The following PRR16 variants were observed in gnomAD, a reference collection of about 807,000 sequenced individuals.
The protein encoded by PRR16 is protein Largen.
In PRR16, 6 loss-of-function variants were observed where a neutral mutation model predicts 18.2. That is an observed-to-expected ratio of 0.33 (90% CI 0.18 to 0.65). PRR16 has a LOEUF of 0.65. PRR16 is among the 30% of genes least tolerant of loss of function. The probability of loss-of-function intolerance (pLI) is 0.74; values close to 1 mark genes in which losing one functional copy is unlikely to be tolerated. For synonymous variants in PRR16, 151 were observed against 147.8 expected, an observed-to-expected ratio of 1.02 and a Z score of -0.16; for missense variants, 412 against 376.6, an observed-to-expected ratio of 1.09 and a Z score of -0.78.
chr5:120,766,368 AAC>A, the PRR16 span, among the ~76,000 whole-genome samples: 1 of 151,994 alleles, frequency 6.6e-6, no homozygotes, highest in Non-Finnish European at 1.5e-5. Flanking sequence ...GCATTAAGAA[AAC>A]ACATCTATTG....
chr5:120,534,805 T>G (rs951569753), intron 1 of PRR16, among the ~76,000 whole-genome samples: 5 of 152,124 alleles, frequency 3.3e-5, no homozygotes, highest in African/African-American at 1.2e-4. Context: ...CTGGCCAAGT[T>G]AGAGAGGAGA....
chr5:120,620,080 A>G (rs1288265379), intron 1 of PRR16, among the ~76,000 whole-genome samples: 1 of 152,162 alleles, frequency 6.6e-6, no homozygotes, highest in Non-Finnish European at 1.5e-5. Context: ...TGTTAACTGA[A>G]TTTGTAAAGA....
intron 1 of PRR16, among the ~76,000 whole-genome samples, chr5:120,533,299 G>A (rs1751611185): frequency 6.6e-6 from 1 of 152,116 alleles, no homozygotes; most frequent in East Asian, 1.9e-4. Context: ...ATTGTTGTAG[G>A]GACTTGGAGA....
At chr5:120,697,650 C>G in the PRR16 span, among the ~76,000 whole-genome samples, 3 of 151,596 alleles carry the variant, frequency 2.0e-5, no homozygotes, top group South Asian at 2.1e-4. Flanking sequence ...AGAGAGTCAG[C>G]GAAGGGAGAT....
At chr5:120,572,886 T>A (rs1752951751) in intron 1 of PRR16, among the ~76,000 whole-genome samples, 1 of 152,164 alleles carries the variant, frequency 6.6e-6, no homozygotes, top group African/African-American at 2.4e-5. Flanking sequence ...AAATTGAATG[T>A]CATTTTGGAA....
chr5:120,755,152 G>A, the PRR16 span, among the ~76,000 whole-genome samples: 1 of 151,488 alleles, frequency 6.6e-6, no homozygotes, highest in African/African-American at 2.4e-5. Flanking sequence ...TAACAAACCT[G>A]CACGTTGTGC....
At chr5:120,656,755 GATAT>G (rs1755993642) in intron 1 of PRR16, among the ~76,000 whole-genome samples, 1 of 151,896 alleles carries the variant, frequency 6.6e-6, no homozygotes, top group Non-Finnish European at 1.5e-5. Flanking sequence ...ATACATAAGT[GATAT>G]ATTTGTGCTT....
intron 1 of PRR16, among the ~76,000 whole-genome samples, chr5:120,484,941 G>A (rs947453997): frequency 4.6e-5 from 7 of 151,098 alleles, no homozygotes; most frequent in South Asian, 2.1e-4. Flanking sequence ...ATAATTCTGC[G>A]ATTTAAAACA....
At position 120,505,869 on chromosome 5, in the gene PRR16, C is replaced by T. The variant is rs576538339; in HGVS notation, c.159+41224C>T. Among the ~76,000 whole-genome samples, 18 of 150,794 alleles carry T rather than the reference C, an allele frequency of 1.2e-4. No homozygotes were observed. In the East Asian group the frequency reaches 1.4e-3, roughly 11 times the overall value. ...ATATATGTATGTATATACACACACG[C>T]GTATACATATGTGTATGAGTAATAT... is the stretch of plus-strand genomic sequence containing the variant. On this transcript the variant is annotated intron_variant, in intron 1 of 1. Transcript: ENST00000407149.
the PRR16 span, among the ~76,000 whole-genome samples, chr5:120,703,177 G>A: frequency 4.6e-5 from 7 of 152,134 alleles, no homozygotes; most frequent in African/African-American, 1.7e-4. Flanking sequence ...AAGGTGCTCA[G>A]TGGGGGTGCC....
intron 1 of PRR16, among the ~76,000 whole-genome samples, chr5:120,533,031 C>G (rs144016357): frequency 1.1e-3 from 167 of 152,286 alleles, no homozygotes; most frequent in African/African-American, 3.8e-3. Context: ...TTTTGCATCC[C>G]CCCTTCATCT....
chr5:120,692,185 G>A (rs1331097668), downstream of PRR16, among the ~76,000 whole-genome samples: 1 of 152,200 alleles, frequency 6.6e-6, no homozygotes, highest in Non-Finnish European at 1.5e-5. Flanking sequence ...TGCCTTAGAA[G>A]GCTGTTGGGA....
In PRR16 at chr5:120,628,107, A is replaced by G. The variant is rs544394388; in HGVS notation, c.160-57847A>G. On this transcript the variant is annotated intron_variant, in intron 1 of 1. Coordinates refer to ENST00000407149, the MANE Select transcript of PRR16 (RefSeq NM_001300783.2). ...GTGAATTTATGTTTCTTACATGTGA[A>G]GATGGATTGTTCCCTGAAAGGTTGG... Among the ~76,000 whole-genome samples, 4 of 152,156 alleles carry G rather than the reference A, an allele frequency of 2.6e-5. No individual in the cohort carries two copies. The East Asian group carries it at 7.7e-4, about 29-fold the overall frequency.
chr5:120,595,894 C>G (rs138342848), intron 1 of PRR16, among the ~76,000 whole-genome samples: 2 of 151,936 alleles, frequency 1.3e-5, no homozygotes, highest in East Asian at 1.9e-4. Flanking sequence ...TTTAGTATTT[C>G]TATCGTTAAA....
chr5:120,551,677 G>A (rs1489961910), intron 1 of PRR16, among the ~76,000 whole-genome samples: 1 of 151,962 alleles, frequency 6.6e-6, no homozygotes, highest in African/African-American at 2.4e-5. Context: ...ACCTGTGCAT[G>A]TATATAAATG....
intron 1 of PRR16, among the ~76,000 whole-genome samples, chr5:120,676,952 C>G (rs1756818323): frequency 6.6e-6 from 1 of 152,008 alleles, no homozygotes. Context: ...AAATAAATAC[C>G]AAAGAGAAGT....
rs1755001722 is a variant in PRR16, at chr5:120,630,011, T to C, written c.160-55943T>C. Among the ~76,000 whole-genome samples the C allele has an allele frequency of 1.3e-5, 2 of 152,092 alleles. 1 individual carries two copies. The highest frequency in any genetic ancestry group is 4.1e-4 in the South Asian group (2 of 4,826). On this transcript the variant is annotated intron_variant, in intron 1 of 1. Coordinates refer to ENST00000407149, the MANE Select transcript of PRR16 (RefSeq NM_001300783.2). Reference sequence around the variant, plus strand: ...GGCCTTTATGATGATCCGAGATGTGTAATTTAAAAATTATACCCGTGTCTG... The same window carrying C: ...GGCCTTTATGATGATCCGAGATGTGCAATTTAAAAATTATACCCGTGTCTG...
chr5:120,700,744 C>T, the PRR16 span, among the ~76,000 whole-genome samples: 2 of 152,204 alleles, frequency 1.3e-5, no homozygotes, highest in East Asian at 1.9e-4. Flanking sequence ...TGGGTAGCCT[C>T]CGTGCTGATT....
the PRR16 span, among the ~76,000 whole-genome samples, chr5:120,702,254 G>A: frequency 1.0e-4 from 2 of 19,924 alleles, no homozygotes; most frequent in African/African-American, 1.5e-4. Context: ...AGGGGTCGGG[G>A]CACGGAAATA....
Sources: gnomAD v4.1 joint callset for allele counts (sites outside exome capture counted in the v4.1 genomes callset) on GRCh38, gnomAD v4.1.1 for gene constraint, MANE v1.5 for transcripts, NCBI Gene and HGNC (gene_info 2026-07-23, HGNC 2026-07-21) for gene names.